The following CLASP2 variants were observed in gnomAD, a reference collection of about 807,000 sequenced individuals.
The protein encoded by CLASP2 is cytoplasmic linker associated protein 2, also known as CLIP-associating protein 2.
Under a neutral mutation model 194.4 loss-of-function variants are expected in CLASP2, and 47 were observed. That is an observed-to-expected ratio of 0.24 (90% CI 0.19 to 0.31). The LOEUF (loss-of-function observed/expected upper bound fraction) is 0.31, where lower values mean the gene tolerates loss of function less well. Ranked by LOEUF, CLASP2 falls within the 10% of genes least tolerant of loss-of-function variation. The pLI is 1.00. For missense variants in CLASP2, 1,445 were observed against 1,823.6 expected (o/e 0.79, Z 3.78); for synonymous variants, 619 against 633.5 (o/e 0.98, Z 0.34).
At chr3:33,632,192 T>C in intron 9 of CLASP2, 100 bp downstream of exon 9, 1 of 655,130 alleles carries the variant, frequency 1.5e-6, no homozygotes, top group Non-Finnish European at 2.5e-6. Context: ...TTTATATAGC[T>C]ATATAAGGAA....
intron 30 of CLASP2, among the ~76,000 whole-genome samples, chr3:33,549,518 G>A (rs1005987832): frequency 6.6e-6 from 1 of 152,016 alleles, no homozygotes; most frequent in Non-Finnish European, 1.5e-5. Flanking sequence ...TGAGCTGTTT[G>A]TGGGTTTTCT....
intron 1 of CLASP2, among the ~76,000 whole-genome samples, chr3:33,700,166 C>T (rs2092272201): frequency 6.6e-6 from 1 of 152,196 alleles, no homozygotes; most frequent in Non-Finnish European, 1.5e-5. Flanking sequence ...GGAACAGTGG[C>T]TCATGCCTGT....
In CLASP2 at chr3:33,525,091, T is replaced by A. The variant is rs141768538; in HGVS notation, c.3788-7917A>T. On this transcript the variant is annotated intron_variant, in intron 34 of 38. Coordinates refer to ENST00000682230, the MANE Select transcript of CLASP2 (RefSeq NM_001365631.1). ...AAACATAGTATCTTCTCCCACCACA[T>A]GATGAAGTTACAAATCAGTAACAGA... 6.6e-3 allele frequency among the ~76,000 whole-genome samples: 1,008 copies of A among 152,242 alleles called. 4 individuals carry two copies. The highest frequency in any genetic ancestry group is 0.017 in the Middle Eastern group (5 of 294).
chr3:33,716,610 G>C (rs1265390381), intron 1 of CLASP2, among the ~76,000 whole-genome samples: 1 of 152,198 alleles, frequency 6.6e-6, no homozygotes, highest in Admixed American at 6.5e-5. Flanking sequence ...CTTTCTTACA[G>C]AGTAAATTTA....
intron 12 of CLASP2, among the ~76,000 whole-genome samples, chr3:33,617,951 A>ATATT (rs1290357001): frequency 2.6e-5 from 3 of 116,556 alleles, no homozygotes; most frequent in Non-Finnish European, 5.7e-5. Context: ...ATATATATAT[A>ATATT]TTTTTTTTTT....
intron 9 of CLASP2, among the ~76,000 whole-genome samples, chr3:33,629,482 A>T (rs1367582106): frequency 1.3e-5 from 2 of 152,182 alleles, no homozygotes; most frequent in African/African-American, 2.4e-5. Context: ...TATTTACTAA[A>T]GTAAGGGGCT....
intron 11 of CLASP2, among the ~76,000 whole-genome samples, chr3:33,620,689 G>C (rs555600430): frequency 6.6e-6 from 1 of 152,300 alleles, no homozygotes; most frequent in African/African-American, 2.4e-5. Context: ...GAATCAGCTT[G>C]ATCTTTGTAA....
chr3:33,623,782 A>C (rs949177741), intron 10 of CLASP2, among the ~76,000 whole-genome samples: 18 of 152,152 alleles, frequency 1.2e-4, no homozygotes, highest in African/African-American at 4.3e-4. Context: ...TTTCTTTTGG[A>C]TATATACCCA....
intron 7 of CLASP2, among the ~76,000 whole-genome samples, chr3:33,647,570 C>T (rs1160333235): frequency 1.3e-5 from 2 of 152,186 alleles, no homozygotes; most frequent in African/African-American, 4.8e-5. Context: ...CCTTTCCATG[C>T]AACTACTCAA....
At chr3:33,515,917 A>G in intron 36 of CLASP2, 106 bp downstream of exon 36, 1 of 1,156,680 alleles carries the variant, frequency 8.6e-7, no homozygotes, top group Non-Finnish European at 1.2e-6. Flanking sequence ...CTGAATGTCA[A>G]GGCAAATGTT....
chr3:33,579,236 G>T (rs1391845440), intron 23 of CLASP2, among the ~76,000 whole-genome samples: 1 of 152,126 alleles, frequency 6.6e-6, no homozygotes, highest in Non-Finnish European at 1.5e-5. Context: ...CAGGAAAACT[G>T]TTTCCTTTAA....
chr3:33,691,359 T>C (rs952350816), intron 2 of CLASP2, among the ~76,000 whole-genome samples: 1 of 152,220 alleles, frequency 6.6e-6, no homozygotes, highest in Non-Finnish European at 1.5e-5. Context: ...GAAGCCAATC[T>C]ATTATCTATA....
chr3:33,665,100 C>T (rs1006883662), intron 6 of CLASP2, among the ~76,000 whole-genome samples: 3 of 146,648 alleles, frequency 2.0e-5, no homozygotes, highest in African/African-American at 7.6e-5. Flanking sequence ...GAGATTTTGT[C>T]TCAAAAAAAA....
In CLASP2 at chr3:33,713,012, C is replaced by CAAAAAAAAAAAAAAAAAAAAA. The variant is rs57940200; in HGVS notation, c.195+4775_195+4795dup. On this transcript the variant is annotated intron_variant, in intron 1 of 38. Coordinates refer to ENST00000682230, the MANE Select transcript of CLASP2 (RefSeq NM_001365631.1). ...GGGCGACAAGAGCAAAACTCCACCTCAAAAAAAAAAAAAAAAAAAAAAAAA... is the reference window on the plus strand; with the variant it reads ...GGGCGACAAGAGCAAAACTCCACCTCAAAAAAAAAAAAAAAAAAAAAAAAAAAAAAAAAAAAAAAAAAAAAA... Among the ~76,000 whole-genome samples the CAAAAAAAAAAAAAAAAAAAAA allele has an allele frequency of 1.7e-3, 81 of 47,006 alleles. 2 individuals are homozygous for CAAAAAAAAAAAAAAAAAAAAA. The highest frequency in any genetic ancestry group is 2.3e-3 in the Non-Finnish European group (55 of 23,702). 30.8% of individuals were successfully genotyped at this position (47,006 alleles called of 152,430 possible).
At chr3:33,538,039 G>A (rs1217778088) in intron 33 of CLASP2, among the ~76,000 whole-genome samples, 1 of 152,122 alleles carries the variant, frequency 6.6e-6, no homozygotes, top group Non-Finnish European at 1.5e-5. Context: ...TACTCAGGAG[G>A]CTGAGGCAGG....
rs1326580789 is a variant in CLASP2 at position 33,515,956 on chromosome 3, T to C, written c.4110+67A>G. ...GAAAATCATTAATAAGGCTACATTT[T>C]ACACAATGGTTACATGTTTCATGAA... On this transcript the variant is annotated intron_variant, in intron 36 of 38. Transcript: ENST00000682230. The C allele has an allele frequency of 7.5e-6, 11 of 1,466,254 alleles. 1 individual carries two copies. The highest frequency in any genetic ancestry group is 2.8e-6 in the Non-Finnish European group (3 of 1,085,702). 90.8% of individuals were successfully genotyped at this position (1,466,254 alleles called of 1,614,324 possible).
At chr3:33,543,300 G>A (rs1407006390) in intron 32 of CLASP2, 133 bp downstream of exon 32, 1 of 606,268 alleles carries the variant, frequency 1.6e-6, no homozygotes, top group African/African-American at 1.8e-5. Flanking sequence ...TTGAACCTGG[G>A]AGGTAGAGGT....
intron 34 of CLASP2, among the ~76,000 whole-genome samples, chr3:33,519,271 C>G (rs1035347637): frequency 6.6e-6 from 1 of 152,102 alleles, no homozygotes; most frequent in African/African-American, 2.4e-5. Flanking sequence ...AGGTAATATT[C>G]TAGAATATTA....
intron 33 of CLASP2, among the ~76,000 whole-genome samples, chr3:33,538,328 C>T (rs1478696351): frequency 6.6e-6 from 1 of 152,192 alleles, no homozygotes; most frequent in Non-Finnish European, 1.5e-5. Context: ...ATTTAGGTTT[C>T]AATGCAAATG....
Sources: allele counts gnomAD v4.1 joint callset (sites outside exome capture counted in the v4.1 genomes callset), GRCh38; gene constraint gnomAD v4.1.1; transcripts MANE v1.5; gene names NCBI Gene and HGNC (gene_info 2026-07-23, HGNC 2026-07-21).